Variants in ANK1 observed in about 807,000 individuals in gnomAD.
The protein encoded by ANK1 is ankyrin 1, also known as ankyrin-1.
ANK1 carries 51 observed loss-of-function variants against 210.4 expected under a neutral mutation model. The ratio of observed to expected loss-of-function variants is 0.24; its 90% CI spans 0.19 to 0.31. The LOEUF is 0.31. Among genes scored for constraint, ANK1 ranks in the 10% least tolerant of loss-of-function variants. The pLI is 1.00. For missense variants in ANK1, 2,051 were observed against 2,504.4 expected (o/e 0.82, Z 3.86); for synonymous variants, 967 against 1,025.9 (o/e 0.94, Z 1.10).
chr8:41,773,756 G>A (rs1162391756), intron 1 of ANK1, among the ~76,000 whole-genome samples: 1 of 152,052 alleles, frequency 6.6e-6, no homozygotes, highest in African/African-American at 2.4e-5. Context: ...AGAGCCCACA[G>A]CCGAGAATCT....
At chr8:41,670,709 GGA>G in intron 38 of ANK1, among the ~76,000 whole-genome samples, 1 of 152,276 alleles carries the variant, frequency 6.6e-6, no homozygotes, top group African/African-American at 2.4e-5. Flanking sequence ...CCTCAGGGTG[GGA>G]CTGAGGGGTC....
At chr8:41,745,601 T>C (rs548398087) in intron 2 of ANK1, among the ~76,000 whole-genome samples, 47 of 152,130 alleles carry the variant, frequency 3.1e-4, no homozygotes, top group Non-Finnish European at 5.3e-4. Flanking sequence ...GGGGTAATTC[T>C]GGGGTCTAAG....
intron 1 of ANK1, among the ~76,000 whole-genome samples, chr8:41,886,988 G>A (rs117674179): frequency 6.6e-6 from 1 of 152,230 alleles, no homozygotes; most frequent in Non-Finnish European, 1.5e-5. Context: ...TGGGCTCTTG[G>A]GGGCCACGCT....
intron 35 of ANK1, 57 bp from the exon 36 acceptor site, chr8:41,686,340 C>A: frequency 6.2e-7 from 1 of 1,610,196 alleles, no homozygotes; most frequent in East Asian, 2.2e-5. Flanking sequence ...CAGCAGGGGG[C>A]CTCCAGCACA....
intron 1 of ANK1, among the ~76,000 whole-genome samples, chr8:41,862,367 C>T (rs560562334): frequency 6.6e-6 from 1 of 152,252 alleles, no homozygotes; most frequent in East Asian, 1.9e-4. Flanking sequence ...CATTGGAAGG[C>T]AGGGAGCACC....
At chr8:41,779,058 C>T (rs1048797721) in intron 1 of ANK1, among the ~76,000 whole-genome samples, 1 of 152,084 alleles carries the variant, frequency 6.6e-6, no homozygotes, top group South Asian at 2.1e-4. Flanking sequence ...GTCCCGGAGG[C>T]CTTTATGAGG....
intron 1 of ANK1, among the ~76,000 whole-genome samples, chr8:41,764,792 A>T (rs371322471): frequency 3.9e-5 from 6 of 152,320 alleles, no homozygotes; most frequent in East Asian, 1.9e-4. Flanking sequence ...GATGTCCCTG[A>T]ACTTCCTTTC....
intron 26 of ANK1, among the ~76,000 whole-genome samples, chr8:41,696,031 T>C (rs1820820022): frequency 6.6e-6 from 1 of 152,206 alleles, no homozygotes; most frequent in South Asian, 2.1e-4. Context: ...TGTCACACAA[T>C]ATTTAAGAGT....
At chr8:41,723,369 A>C in intron 8 of ANK1, 146 bp from the exon 9 acceptor site, 1 of 1,163,758 alleles carries the variant, frequency 8.6e-7, no homozygotes, top group South Asian at 1.3e-5. Flanking sequence ...CAGTTTTACT[A>C]TTGCCTCCCA....
intron 37 of ANK1, among the ~76,000 whole-genome samples, chr8:41,680,822 T>C (rs1815741469): frequency 6.6e-6 from 1 of 152,134 alleles, no homozygotes; most frequent in East Asian, 1.9e-4. Context: ...GAGGAACATC[T>C]CACAGGTCTG....
chr8:41,669,457 C>T (rs1377362713), intron 38 of ANK1, among the ~76,000 whole-genome samples: 1 of 152,040 alleles, frequency 6.6e-6, no homozygotes, highest in Non-Finnish European at 1.5e-5. Context: ...CCACCACGTC[C>T]AGCTATTTAA....
intron 1 of ANK1, among the ~76,000 whole-genome samples, chr8:41,803,095 A>AAGGGAAGGG (rs1563811383): frequency 3.9e-5 from 2 of 50,976 alleles, no homozygotes; most frequent in African/African-American, 8.3e-5. Context: ...GAAGGAAAGG[A>AAGGGAAGGG]AAGGAAAGGA....
chr8:41,688,163 G>A lies in ANK1; in HGVS notation c.4251C>T (p.Ser1417=), dbSNP rs1180737318. ...CCCCAATTCCCCACTCACCTGCCCA[G>A]CTGAGACCGAGGTGCTCTGAGATAA... ...MAVISEHLGL[S]WAELARELQF... The change falls in exon 35 of 43, where the codon AGC becomes AGT. Residue 1417 remains serine, a synonymous_variant. Coordinates refer to ENST00000289734, the MANE Select transcript of ANK1 (RefSeq NM_000037.4). 1 of 1,614,104 alleles carries A rather than the reference G, an allele frequency of 6.2e-7. No homozygotes were observed. Among genetic ancestry groups the A allele is most frequent in the East Asian group, 2.2e-5 (1 of 44,896 alleles).
chr8:41,743,181 G>T (rs1723002489), intron 2 of ANK1, among the ~76,000 whole-genome samples: 1 of 152,042 alleles, frequency 6.6e-6, no homozygotes, highest in South Asian at 2.1e-4. Flanking sequence ...GCCTAAACTG[G>T]GGTTACAGAG....
chr8:41,769,101 G>A (rs992145565), intron 1 of ANK1, among the ~76,000 whole-genome samples: 3 of 152,208 alleles, frequency 2.0e-5, no homozygotes, highest in African/African-American at 7.2e-5. Context: ...AAGAGAAAAG[G>A]CCAGGGTGTT....
chr8:41,661,972 G>A (rs933078828), intron 40 of ANK1, 31 bp from the exon 41 acceptor site: 2 of 1,611,508 alleles, frequency 1.2e-6, no homozygotes, highest in Non-Finnish European at 1.7e-6. Flanking sequence ...GGAAAGGGCT[G>A]GTCAGGCCGG....
chr8:41,724,563 CA>C lies in ANK1; in HGVS notation c.613-10del. ...AGGGGCGTGAATCCCGTCTGGGGCACAACAGAGGGGGAGAAACTTGTTATAT... is the reference window on the plus strand; with the variant it reads ...AGGGGCGTGAATCCCGTCTGGGGCACACAGAGGGGGAGAAACTTGTTATAT... On this transcript the variant is annotated splice_polypyrimidine_tract_variant and intron_variant, in intron 6 of 42. Coordinates refer to ENST00000289734, the MANE Select transcript of ANK1 (RefSeq NM_000037.4). 1 of 1,579,178 alleles carries C rather than the reference CA, an allele frequency of 6.3e-7. No homozygotes were observed. Among genetic ancestry groups the C allele is most frequent in the South Asian group, 1.2e-5 (1 of 86,166 alleles).
At chr8:41,813,641 T>C (rs1373611675) in intron 1 of ANK1, among the ~76,000 whole-genome samples, 1 of 152,204 alleles carries the variant, frequency 6.6e-6, no homozygotes, top group Non-Finnish European at 1.5e-5. Context: ...TTGAAGTCTG[T>C]TTTGCTAGAA....
At chr8:41,731,223 C>T (rs956787940) in intron 3 of ANK1, among the ~76,000 whole-genome samples, 2 of 152,224 alleles carry the variant, frequency 1.3e-5, no homozygotes, top group African/African-American at 4.8e-5. Context: ...GCCCCTCCCT[C>T]ACCATGAAAG....
Sources: gnomAD v4.1 joint callset for allele counts (sites outside exome capture counted in the v4.1 genomes callset) on GRCh38, gnomAD v4.1.1 for gene constraint, MANE v1.5 for transcripts, NCBI Gene and HGNC (gene_info 2026-07-23, HGNC 2026-07-21) for gene names.